Variants in EFHB observed in about 807,000 individuals in gnomAD.
EFHB encodes the protein EF-hand domain-containing family member B.
EFHB carries 91 observed loss-of-function variants against 87.2 expected under a neutral mutation model. The ratio of observed to expected loss-of-function variants is 1.04; its 90% confidence interval spans 0.88 to 1.24. The LOEUF (loss-of-function observed/expected upper bound fraction) is 1.24, where lower values mean the gene tolerates loss of function less well. Among genes scored for constraint, EFHB ranks in the 50% most tolerant of loss-of-function variants. The probability of loss-of-function intolerance (pLI) is 0.00; values close to 1 mark genes in which losing one functional copy is unlikely to be tolerated. For synonymous variants in EFHB, 325 were observed against 333.6 expected (o/e 0.97, Z 0.28); for missense variants, 1,084 against 998.8 (o/e 1.09, Z -1.15).
At position 19,894,085 on chromosome 3, in the gene EFHB, A is replaced by G. The variant is rs571327341; in HGVS notation, c.1725+2602T>C. Reference sequence around the variant, plus strand: ...ACATCTGTCATGAATTACATAGTCTATGATAGCTAGGAGCAAAAATCCCTG... The same window carrying G: ...ACATCTGTCATGAATTACATAGTCTGTGATAGCTAGGAGCAAAAATCCCTG... On this transcript the variant is annotated intron_variant, in intron 9 of 12. Coordinates refer to ENST00000295824, the MANE Select transcript of EFHB (RefSeq NM_144715.4). 2.0e-5 allele frequency among the ~76,000 whole-genome samples: 3 copies of G among 152,358 alleles called. No homozygotes were observed. In the South Asian group the frequency reaches 6.2e-4, roughly 32 times the overall value.
upstream of EFHB, chr3:19,936,140 C>A: frequency 6.7e-7 from 1 of 1,494,560 alleles, no homozygotes; most frequent in Non-Finnish European, 9.0e-7. Flanking sequence ...TAGTCACTCA[C>A]CTGTAATCTC....
intron 9 of EFHB, chr3:19,896,445 G>C (rs1575004385): frequency 1.8e-6 from 1 of 567,086 alleles, no homozygotes. Context: ...AATATTTTAG[G>C]TTTTGAAGGC....
At position 19,933,563 on chromosome 3, in the gene EFHB, T is replaced by C; in HGVS notation, c.456A>G (p.Glu152=). 6.2e-7 allele frequency: 1 copy of C among 1,613,986 alleles called. No individual in the cohort carries two copies. Residue 152 remains glutamate (E), a synonymous_variant, in exon 1 of 13, where the codon GAA becomes GAG. Coordinates refer to ENST00000295824, the MANE Select transcript of EFHB (RefSeq NM_144715.4). ...SRRAPLASGP[E]GVEELVGKPA... ...GCTTTCCCACTAATTCCTCTACCCC[T>C]TCAGGGCCACTAGCCAAAGGAGCTC...
At chr3:19,908,562 A>AAGAGAGAGAGAGAGAGAG (rs71624361) in intron 5 of EFHB, among the ~76,000 whole-genome samples, 10 of 83,900 alleles carry the variant, frequency 1.2e-4, no homozygotes, top group East Asian at 1.0e-3. Context: ...GAAAGAGAGA[A>AAGAGAGAGAGAGAGAGAG]AGAGAGAGAG....
chr3:19,879,870 T>G (rs890904516), intron 12 of EFHB, 66 bp from the exon 13 acceptor site: 38 of 1,437,344 alleles, frequency 2.6e-5, no homozygotes. Context: ...AAAAATATCT[T>G]TATAACATCT....
chr3:19,936,085 T>C, upstream of EFHB: 1 of 1,300,798 alleles, frequency 7.7e-7, no homozygotes, highest in Non-Finnish European at 9.8e-7. Context: ...AAAAACCCCT[T>C]AAAATCCAAA....
chr3:19,932,448 G>A (rs1030014772), intron 1 of EFHB, among the ~76,000 whole-genome samples: 1 of 152,116 alleles, frequency 6.6e-6, no homozygotes, highest in Non-Finnish European at 1.5e-5. Context: ...CACCCTGCTG[G>A]CTGAATACAA....
At chr3:19,919,026 G>T (rs114939683) in intron 3 of EFHB, among the ~76,000 whole-genome samples, 3,397 of 147,106 alleles carry the variant, frequency 0.023, 57 homozygotes, top group Middle Eastern at 0.052. Context: ...AAAAGCACAA[G>T]AACCACTTGA....
chr3:19,905,847 T>C, intron 5 of EFHB, 98 bp from the exon 6 acceptor site: 6 of 1,414,900 alleles, frequency 4.2e-6, no homozygotes, highest in Non-Finnish European at 4.7e-6. Context: ...AAAATGAGAA[T>C]GGAACAAAAA....
chr3:19,925,049 T>C (rs1444828344), intron 1 of EFHB, among the ~76,000 whole-genome samples: 2 of 151,786 alleles, frequency 1.3e-5, no homozygotes, highest in African/African-American at 2.4e-5. Flanking sequence ...ATCAAGACCA[T>C]CCTGGCTTAA....
At chr3:19,932,256 A>G (rs1018923933) in intron 1 of EFHB, among the ~76,000 whole-genome samples, 2 of 152,234 alleles carry the variant, frequency 1.3e-5, no homozygotes, top group Admixed American at 6.5e-5. Context: ...CTTGTCATTC[A>G]GTATCTCCCC....
intron 6 of EFHB, among the ~76,000 whole-genome samples, chr3:19,903,732 T>A (rs1694747757): frequency 6.6e-6 from 1 of 151,854 alleles, no homozygotes; most frequent in African/African-American, 2.4e-5. Context: ...AATAAAGGAG[T>A]GAAAGAGGAA....
rs1378537711 is a variant in EFHB, at chr3:19,918,348, T to G, written c.1061A>C (p.Glu354Ala). 22 of 1,611,716 alleles carry G rather than the reference T, an allele frequency of 1.4e-5. 1 individual carries two copies. In the South Asian group the frequency reaches 2.3e-4, roughly 17 times the overall value. ...TFQQKIKDKKESIYLSNRRAP... is the reference protein window; with the variant it reads ...TFQQKIKDKKASIYLSNRRAP... ...TCGTCGATTGCTAAGATATATAGAT[T>G]CTTTTTTATCTTTAATTTTCTGTTG... Residue 354 changes from glutamate to alanine, a missense_variant, in exon 4 of 13, where the codon GAA becomes GCA. By Grantham distance (107) the Glu-to-Ala change is moderately radical. Transcript: ENST00000295824.
intron 4 of EFHB, 119 bp from the exon 5 acceptor site, chr3:19,915,532 C>G: frequency 1.6e-6 from 1 of 623,592 alleles, no homozygotes; most frequent in Non-Finnish European, 2.8e-6. Flanking sequence ...ACATAGACAT[C>G]CCGAGAGATC....
At chr3:19,912,959 A>C (rs1695111791) in intron 5 of EFHB, among the ~76,000 whole-genome samples, 1 of 152,236 alleles carries the variant, frequency 6.6e-6, no homozygotes, top group Admixed American at 6.5e-5. Context: ...ATGCTGAAAA[A>C]GCATCTGATA....
intron 5 of EFHB, among the ~76,000 whole-genome samples, chr3:19,912,811 T>C (rs1253049157): frequency 3.3e-5 from 5 of 152,182 alleles, no homozygotes; most frequent in African/African-American, 1.2e-4. Context: ...GTTAAAATAA[T>C]GGGTTTAAGA....
intron 9 of EFHB, chr3:19,894,566 A>G (rs559625354): frequency 6.6e-6 from 1 of 152,354 alleles, no homozygotes; most frequent in South Asian, 2.1e-4. Flanking sequence ...GTGGCATCCA[A>G]TAATATAAGA....
At chr3:19,884,227 C>G in intron 11 of EFHB, 176 bp downstream of exon 11, 1 of 589,258 alleles carries the variant, frequency 1.7e-6, no homozygotes, top group Non-Finnish European at 2.9e-6. Flanking sequence ...TTGGCAATTC[C>G]GTTCAATCAA....
At chr3:19,934,276 A>C (rs1695947478), upstream of EFHB, 49 of 1,388,128 alleles carry the variant, frequency 3.5e-5, 1 homozygote, top group South Asian at 7.7e-4. Flanking sequence ...CTGCTTGGAC[A>C]GATCCCTGCC....
Sources: gnomAD v4.1 joint callset for allele counts (sites outside exome capture counted in the v4.1 genomes callset) on GRCh38, gnomAD v4.1.1 for gene constraint, MANE v1.5 for transcripts, NCBI Gene and HGNC (gene_info 2026-07-23, HGNC 2026-07-21) for gene names.